EIF3I: variants seen among roughly 807,000 people sequenced by gnomAD.
EIF3I encodes eukaryotic translation initiation factor 3 subunit I.
In EIF3I, 20 loss-of-function variants were observed where a neutral mutation model predicts 43.3. The ratio of observed to expected loss-of-function variants is 0.46; its 90% CI spans 0.32 to 0.67. The LOEUF (loss-of-function observed/expected upper bound fraction) is 0.67. EIF3I is among the 30% of genes least tolerant of loss of function. The pLI, the probability that EIF3I is intolerant of heterozygous loss-of-function variation, is 0.03. For synonymous variants in EIF3I, 167 were observed against 151.7 expected (o/e 1.10, Z -0.74); for missense variants, 279 against 421.4 (o/e 0.66, Z 2.96).
intron 4 of EIF3I, among the ~76,000 whole-genome samples, chr1:32,225,183 C>T (rs1639123777): frequency 1.3e-5 from 2 of 151,572 alleles, no homozygotes; most frequent in South Asian, 2.1e-4. Flanking sequence ...ACCATGTTGG[C>T]CAGGCTGGTC....
At chr1:32,224,950 C>T (rs181913740) in intron 4 of EIF3I, among the ~76,000 whole-genome samples, 88 of 152,298 alleles carry the variant, frequency 5.8e-4, no homozygotes, top group Non-Finnish European at 1.1e-3. Flanking sequence ...TCTCCTGCCT[C>T]AGCCTCCCAA....
rs146554593 is a variant in EIF3I at position 32,228,056 on chromosome 1, A to G, written c.529-443A>G. On this transcript the variant is annotated intron_variant, in intron 6 of 11. Coordinates refer to ENST00000676679, the Ensembl canonical transcript of EIF3I. ...TAAATGGAGCTTCAAGCAGGAAGGA[A>G]AGAACATCCCACAGGCAAAAGGAAC... Among the ~76,000 whole-genome samples the G allele has an allele frequency of 2.4e-4, 37 of 152,320 alleles. 1 individual carries two copies. The East Asian group carries it at 5.6e-3, about 23-fold the overall frequency.
intron 2 of EIF3I, 62 bp downstream of exon 2, chr1:32,222,692 A>T: frequency 6.5e-7 from 1 of 1,538,986 alleles, no homozygotes; most frequent in South Asian, 1.1e-5. Context: ...CGATGGGTGG[A>T]CACGCCAGTT....
chr1:32,231,089 A>C (rs1396124499), intron 11 of EIF3I, 26 bp from the exon 11 acceptor site: 1 of 1,613,840 alleles, frequency 6.2e-7, no homozygotes, highest in Non-Finnish European at 8.5e-7. Flanking sequence ...TAAGCACCTG[A>C]CTGGTGCCTG....
At chr1:32,230,625 C>T (rs1289276700) in intron 10 of EIF3I, among the ~76,000 whole-genome samples, 1 of 151,986 alleles carries the variant, frequency 6.6e-6, no homozygotes, top group Non-Finnish European at 1.5e-5. Context: ...GGCTTGAGGC[C>T]AGGAGTTCGT....
At chr1:32,228,653 G>T (rs753129993) in intron 7 of EIF3I, 44 bp downstream of exon 7, 1 of 1,606,180 alleles carries the variant, frequency 6.2e-7, no homozygotes, top group Middle Eastern at 1.7e-4. Context: ...CCTCCCTCCG[G>T]CTGCACAGCT....
rs759213900 is a variant in EIF3I, at chr1:32,230,913, C to T, written c.915-14C>T. ...AAGATAGAAAGTGAATTAATTGTGT[C>T]CCTTTTCCTCCAGGTTCTTCCATTT... On this transcript the variant is annotated splice_polypyrimidine_tract_variant and intron_variant, in intron 10 of 11. Transcript: ENST00000676679. 5 of 1,580,554 alleles carry T rather than the reference C, an allele frequency of 3.2e-6. No homozygotes were observed. The East Asian group carries it at 9.0e-5, about 28-fold the overall frequency.
At chr1:32,229,387 G>A (rs750730596) in intron 9 of EIF3I, among the ~76,000 whole-genome samples, 179 bp downstream of exon 9, 7 of 151,924 alleles carry the variant, frequency 4.6e-5, no homozygotes, top group Non-Finnish European at 1.0e-4. Context: ...CAGCGGCCCA[G>A]GCGCCCACCA....
downstream of EIF3I, chr1:32,231,735 T>C (rs950966962): frequency 3.2e-5 from 5 of 153,988 alleles, no homozygotes; most frequent in African/African-American, 1.2e-4. Context: ...CTCAGTACTT[T>C]TGGCTAACCT....
chr1:32,230,392 C>A (rs1297892918), intron 10 of EIF3I, among the ~76,000 whole-genome samples: 1 of 151,926 alleles, frequency 6.6e-6, no homozygotes, highest in Non-Finnish European at 1.5e-5. Flanking sequence ...TGGCCACCGT[C>A]CCTGGCTGCT....
chr1:32,224,919 C>T (rs1375221811), intron 4 of EIF3I, among the ~76,000 whole-genome samples: 2 of 151,944 alleles, frequency 1.3e-5, no homozygotes, highest in South Asian at 2.1e-4. Context: ...CTGCAACCTC[C>T]GCCTCCCAGG....
At chr1:32,225,745 G>A (rs900676471) in intron 4 of EIF3I, among the ~76,000 whole-genome samples, 1 of 147,506 alleles carries the variant, frequency 6.8e-6, no homozygotes, top group Non-Finnish European at 1.5e-5. Flanking sequence ...AAAAAAGGCC[G>A]GGCGCGGTGG....
intron 3 of EIF3I, 56 bp downstream of exon 3, chr1:32,224,177 G>A (rs914731928): frequency 2.5e-6 from 4 of 1,578,518 alleles, no homozygotes; most frequent in Non-Finnish European, 2.6e-6. Context: ...CGATGGAGAG[G>A]CTGAGTTGGG....
At chr1:32,226,601 C>G in intron 6 of EIF3I, 71 bp downstream of exon 6, 2 of 1,373,116 alleles carry the variant, frequency 1.5e-6, no homozygotes, top group Non-Finnish European at 1.9e-6. Flanking sequence ...GAGTCTCTCT[C>G]TGTTGCCCAG....
chr1:32,226,092 G>A, intron 4 of EIF3I, 79 bp from the exon 5 acceptor site: 1 of 1,539,286 alleles, frequency 6.5e-7, no homozygotes, highest in Non-Finnish European at 8.8e-7. Context: ...CAAACAGTGA[G>A]ATGTGATGGT....
At chr1:32,228,196 G>T (rs746732588) in intron 6 of EIF3I, among the ~76,000 whole-genome samples, 2 of 152,186 alleles carry the variant, frequency 1.3e-5, no homozygotes, top group Non-Finnish European at 2.9e-5. Context: ...GTGTGAGGAG[G>T]TAAAGAGTTT....
At chr1:32,225,529 G>C (rs923914464) in intron 4 of EIF3I, among the ~76,000 whole-genome samples, 2 of 149,378 alleles carry the variant, frequency 1.3e-5, no homozygotes. Flanking sequence ...GATCACCTGA[G>C]GTCAGGAGTG....
rs1266106444 is a variant in EIF3I, at chr1:32,226,277, G to A, written c.357G>A (p.Gln119=). 4 of 1,614,056 alleles carry A rather than the reference G, an allele frequency of 2.5e-6. No individual in the cohort carries two copies. The African/African-American group carries it at 4.0e-5, about 16-fold the overall frequency. ...CCACGGACAAGCAGATGGGCTACCA[G>A]TGCTTTGTGAGCTTTTTTGACCTGC... The change falls in exon 5 of 12, where the codon CAG becomes CAA. Residue 119 remains glutamine (Q), a synonymous_variant. Coordinates refer to ENST00000676679, the Ensembl canonical transcript of EIF3I.
chr1:32,231,293 C>G (rs1436633456), exon 12 of EIF3I: 1 of 1,095,520 alleles, frequency 9.1e-7, no homozygotes, highest in Non-Finnish European at 1.3e-6. Flanking sequence ...GAGTTTAAGA[C>G]CAGCCTGACC....
Sources: allele counts gnomAD v4.1 joint callset (sites outside exome capture counted in the v4.1 genomes callset), GRCh38; gene constraint gnomAD v4.1.1; transcripts MANE v1.5; gene names NCBI Gene and HGNC (gene_info 2026-07-23, HGNC 2026-07-21).